PKHD1L1: variants seen among roughly 807,000 people sequenced by gnomAD.
PKHD1L1 encodes the protein fibrocystin-L.
A neutral mutation model predicts 462.9 loss-of-function variants in PKHD1L1; 434 were observed. The ratio of observed to expected loss-of-function variants is 0.94; its 90% CI spans 0.87 to 1.02. PKHD1L1 has a LOEUF of 1.02. Among genes scored for constraint, PKHD1L1 ranks in the 50% least tolerant of loss-of-function variants. The pLI, the probability that PKHD1L1 is intolerant of heterozygous loss-of-function variation, is 0.00. For synonymous variants in PKHD1L1, 1,781 were observed against 1,750.0 expected, an observed-to-expected ratio of 1.02 and a Z score of -0.44; for missense variants, 5,202 against 5,096.1, an observed-to-expected ratio of 1.02 and a Z score of -0.63.
intron 71 of PKHD1L1, among the ~76,000 whole-genome samples, chr8:109,513,588 C>G (rs1408626088): frequency 6.6e-6 from 1 of 152,006 alleles, no homozygotes; most frequent in African/African-American, 2.4e-5. Flanking sequence ...GAATATGAGA[C>G]TTTAAAGTCC....
At chr8:109,486,589 A>G in intron 58 of PKHD1L1, 59 bp from the exon 59 acceptor site, 1 of 1,491,510 alleles carries the variant, frequency 6.7e-7, no homozygotes, top group Non-Finnish European at 9.0e-7. Flanking sequence ...CTGCAAAGGA[A>G]CTAGTAAAGA....
At chr8:109,376,784 T>C (rs1811859667) in intron 2 of PKHD1L1, among the ~76,000 whole-genome samples, 1 of 152,162 alleles carries the variant, frequency 6.6e-6, no homozygotes, top group African/African-American at 2.4e-5. Context: ...TCCATTAAGA[T>C]AGATTATGGC....
At position 109,398,590 on chromosome 8, in the gene PKHD1L1, T is replaced by A. The variant is rs562903828; in HGVS notation, c.1012+42T>A. 6 of 896,460 alleles carry A rather than the reference T, an allele frequency of 6.7e-6. No individual in the cohort carries two copies. The South Asian group carries it at 1.3e-4, about 19-fold the overall frequency. 55.5% of individuals were successfully genotyped at this position (896,460 alleles called of 1,614,324 possible). ...GACAATGGCCATTTCTATATTCACATAAAAAGAATATATTAGTAAAAAATA... is the reference window on the plus strand; with the variant it reads ...GACAATGGCCATTTCTATATTCACAAAAAAAGAATATATTAGTAAAAAATA... On this transcript the variant is annotated intron_variant, in intron 12 of 77. Coordinates refer to ENST00000378402, the MANE Select transcript of PKHD1L1 (RefSeq NM_177531.6).
chr8:109,365,973 AAAG>A (rs962539967), intron 2 of PKHD1L1, among the ~76,000 whole-genome samples: 5 of 152,166 alleles, frequency 3.3e-5, no homozygotes, highest in Admixed American at 6.5e-5. Flanking sequence ...TCTCCATCTC[AAAG>A]AAGAAGAAGA....
intron 2 of PKHD1L1, among the ~76,000 whole-genome samples, chr8:109,373,049 T>A (rs1431004342): frequency 6.6e-6 from 1 of 152,246 alleles, no homozygotes; most frequent in Non-Finnish European, 1.5e-5. Flanking sequence ...TCCCTCTTTT[T>A]CTATTGATTG....
Position 109,445,599 on chromosome 8 carries a change from T to A in PKHD1L1, c.5730T>A (p.Tyr1910Ter). 1 of 1,610,484 alleles carries A rather than the reference T, an allele frequency of 6.2e-7. No homozygotes were observed. Among genetic ancestry groups the A allele is most frequent in the Non-Finnish European group, 8.5e-7 (1 of 1,177,816 alleles). ...TIAYPPLLFT[Y>*]ALEDTPFLRG... Reference sequence around the variant, plus strand: ...CTTATCCACCTTTGCTTTTTACATATGCCCTGGAGGATACTCCATTTCTCA... The same window carrying A: ...CTTATCCACCTTTGCTTTTTACATAAGCCCTGGAGGATACTCCATTTCTCA... The change falls in exon 38 of 78, where the codon TAT (tyrosine) becomes TAA (stop). Residue 1910 changes from tyrosine to a stop codon, truncating the protein, a stop_gained. Coordinates refer to ENST00000378402, the MANE Select transcript of PKHD1L1 (RefSeq NM_177531.6). LOFTEE classifies it high-confidence loss of function.
intron 12 of PKHD1L1, among the ~76,000 whole-genome samples, chr8:109,399,179 T>G (rs1813126281): frequency 6.6e-6 from 1 of 152,148 alleles, no homozygotes; most frequent in Non-Finnish European, 1.5e-5. Flanking sequence ...CTTAAATTTG[T>G]TTGGTTTGAA....
At chr8:109,390,379 G>A in intron 8 of PKHD1L1, 73 bp from the exon 9 acceptor site, 1 of 800,126 alleles carries the variant, frequency 1.2e-6, no homozygotes, top group Non-Finnish European at 1.8e-6. Context: ...TTTTAAATCA[G>A]CTTTATAATA....
At chr8:109,462,032 T>C in intron 48 of PKHD1L1, 124 bp downstream of exon 48, 1 of 1,177,854 alleles carries the variant, frequency 8.5e-7, no homozygotes, top group African/African-American at 1.6e-5. Context: ...GATACATAAG[T>C]AAACAATTTT....
At chr8:109,527,054 C>A (rs756253566) in intron 77 of PKHD1L1, 34 bp downstream of exon 77, 10 of 1,517,546 alleles carry the variant, frequency 6.6e-6, no homozygotes, top group Non-Finnish European at 9.0e-6. Flanking sequence ...TATTTCTCCA[C>A]ATGTTGAAGT....
intron 9 of PKHD1L1, among the ~76,000 whole-genome samples, chr8:109,391,911 A>G (rs1017740025): frequency 6.6e-6 from 1 of 152,210 alleles, no homozygotes; most frequent in African/African-American, 2.4e-5. Flanking sequence ...TAACAAATTG[A>G]TGCCTGGCTG....
chr8:109,504,015 G>A (rs2130963584), intron 67 of PKHD1L1, among the ~76,000 whole-genome samples: 1 of 152,312 alleles, frequency 6.6e-6, no homozygotes, highest in East Asian at 1.9e-4. Context: ...GGAACACTAA[G>A]AAAGAGCAAG....
chr8:109,408,314 C>G, intron 18 of PKHD1L1, 108 bp downstream of exon 18: 1 of 1,035,576 alleles, frequency 9.7e-7, no homozygotes, highest in Non-Finnish European at 1.3e-6. Flanking sequence ...AAAAAAATCA[C>G]TGCAAATTAT....
intron 19 of PKHD1L1, 77 bp from the exon 20 acceptor site, chr8:109,412,188 G>A (rs1813890450): frequency 1.0e-5 from 15 of 1,473,736 alleles, no homozygotes; most frequent in Non-Finnish European, 1.4e-5. Context: ...TGAACCTTGA[G>A]TGGTTTGGGT....
intron 67 of PKHD1L1, 64 bp from the exon 68 acceptor site, chr8:109,504,263 A>G (rs1245250553): frequency 9.3e-7 from 1 of 1,077,030 alleles, no homozygotes; most frequent in East Asian, 2.8e-5. Context: ...CAGAATGTGC[A>G]TTAAATCTGA....
intron 46 of PKHD1L1, among the ~76,000 whole-genome samples, chr8:109,458,719 G>T (rs536238573): frequency 2.0e-5 from 3 of 152,084 alleles, no homozygotes; most frequent in Admixed American, 2.0e-4. Context: ...AGGGTAAAAA[G>T]AAAATGTTGG....
chr8:109,403,291 C>G (rs1282338543), intron 14 of PKHD1L1, among the ~76,000 whole-genome samples: 1 of 152,136 alleles, frequency 6.6e-6, no homozygotes, highest in Non-Finnish European at 1.5e-5. Context: ...AATCATTTTA[C>G]TCAAATATTA....
At chr8:109,500,171 G>C (rs192840279) in intron 67 of PKHD1L1, among the ~76,000 whole-genome samples, 323 of 152,184 alleles carry the variant, frequency 2.1e-3, no homozygotes, top group Non-Finnish European at 3.6e-3. Flanking sequence ...AGTTATATAT[G>C]ATTTCTCCAA....
rs1818460048 is a variant in PKHD1L1, at chr8:109,485,099, CAAG to C, written c.9636_9638del (p.Arg3212del). 3 of 1,602,830 alleles carry C rather than the reference CAAG, an allele frequency of 1.9e-6. No individual in the cohort carries two copies. The highest frequency in any genetic ancestry group is 1.3e-5 in the African/African-American group (1 of 74,520). On this transcript the variant is annotated inframe_deletion, in exon 58 of 78. Coordinates refer to ENST00000378402, the MANE Select transcript of PKHD1L1 (RefSeq NM_177531.6). ...AGCTACGATTTCCACCAGACAGAAACAAGAAGTATCGTTAAAATCCTGCATGAT... is the reference window on the plus strand; with the variant it reads ...AGCTACGATTTCCACCAGACAGAAACAAGTATCGTTAAAATCCTGCATGAT...
Sources: gnomAD v4.1 joint callset for allele counts (sites outside exome capture counted in the v4.1 genomes callset) on GRCh38, gnomAD v4.1.1 for gene constraint, MANE v1.5 for transcripts, NCBI Gene and HGNC (gene_info 2026-07-23, HGNC 2026-07-21) for gene names.